The following SPATA1 variants were observed in gnomAD, a reference collection of about 807,000 sequenced individuals.
The protein encoded by SPATA1 is spermatogenesis-associated protein 1.
Under a neutral mutation model 59.6 loss-of-function variants are expected in SPATA1, and 57 were observed. That is an observed-to-expected ratio of 0.96 (90% CI 0.77 to 1.19). SPATA1 has a LOEUF of 1.19. SPATA1 is among the 50% of genes most tolerant of loss of function. The pLI is 0.00. For synonymous variants in SPATA1, 147 were observed against 163.9 expected, an observed-to-expected ratio of 0.90 and a Z score of 0.79; for missense variants, 448 against 480.7, an observed-to-expected ratio of 0.93 and a Z score of 0.64.
chr1:84,554,884 CT>C (rs943518172), downstream of SPATA1: 1,023 of 742,560 alleles, frequency 1.4e-3, no homozygotes, highest in Non-Finnish European at 1.7e-3. Flanking sequence ...TTTATTTATT[CT>C]TTTTTTTTAG....
rs185346561 is a variant in SPATA1, at chr1:84,508,733, T to G, written c.-138+2315T>G. ...AAAGCTGAATCTCTTCAAAGGGGGA[T>G]TTCACAATTCTGACTTCTTTCTCAA... is the stretch of plus-strand genomic sequence containing the variant. On this transcript the variant is annotated intron_variant, in intron 1 of 12. Coordinates refer to ENST00000490879, the Ensembl canonical transcript of SPATA1. Among the ~76,000 whole-genome samples the G allele has an allele frequency of 3.3e-4, 50 of 152,360 alleles. No homozygotes were observed. The East Asian group carries it at 9.0e-3, about 28-fold the overall frequency.
At chr1:84,566,941 T>C (rs562761436), downstream of SPATA1, among the ~76,000 whole-genome samples, 41 of 152,322 alleles carry the variant, frequency 2.7e-4, no homozygotes, top group African/African-American at 9.6e-4. Flanking sequence ...TATCTTTCAT[T>C]TTGAATAGTG....
chr1:84,556,663 G>T (rs1379524426), downstream of SPATA1, among the ~76,000 whole-genome samples: 3 of 134,958 alleles, frequency 2.2e-5, no homozygotes, highest in African/African-American at 8.7e-5. Context: ...AGTAAGCTGA[G>T]ATCACGCCAC....
chr1:84,510,757 TAA>T (rs1171866320), intron 1 of SPATA1, among the ~76,000 whole-genome samples: 2 of 152,180 alleles, frequency 1.3e-5, no homozygotes, highest in Non-Finnish European at 2.9e-5. Context: ...AAAAGCAACC[TAA>T]GTGTCTATCA....
chr1:84,555,838 AACC>A (rs1258625862), downstream of SPATA1: 1 of 152,268 alleles, frequency 6.6e-6, no homozygotes, highest in African/African-American at 2.4e-5. Context: ...GCTGGTATGC[AACC>A]AAAGTTAAGG....
At chr1:84,529,280 G>T (rs1375960896) in intron 6 of SPATA1, among the ~76,000 whole-genome samples, 2 of 151,948 alleles carry the variant, frequency 1.3e-5, no homozygotes, top group South Asian at 2.1e-4. Flanking sequence ...TTGTTGGAAA[G>T]AAATCCAGTT....
intron 1 of SPATA1, among the ~76,000 whole-genome samples, chr1:84,511,304 TA>T (rs1207869762): frequency 6.6e-6 from 1 of 152,198 alleles, no homozygotes; most frequent in Non-Finnish European, 1.5e-5. Context: ...AATTACAAAG[TA>T]AAAGAAACCT....
exon 10 of SPATA1, chr1:84,545,757 A>G: frequency 1.3e-6 from 2 of 1,510,050 alleles, no homozygotes; most frequent in Non-Finnish European, 1.8e-6. Flanking sequence ...AAACGATATC[A>G]TGGTAAAGTT....
At chr1:84,522,796 T>C (rs2101942122) in intron 4 of SPATA1, among the ~76,000 whole-genome samples, 1 of 152,342 alleles carries the variant, frequency 6.6e-6, no homozygotes, top group South Asian at 2.1e-4. Flanking sequence ...AGTTTTTAAG[T>C]GTTTTAAACA....
chr1:84,509,365 G>A (rs576890054), intron 1 of SPATA1, among the ~76,000 whole-genome samples: 56 of 152,324 alleles, frequency 3.7e-4, no homozygotes, highest in African/African-American at 1.0e-3. Flanking sequence ...CTGAATATCC[G>A]TATTAGAAGA....
chr1:84,521,903 TG>T (rs1202013124), intron 3 of SPATA1, among the ~76,000 whole-genome samples: 1 of 152,202 alleles, frequency 6.6e-6, no homozygotes, highest in Admixed American at 6.5e-5. Flanking sequence ...GCGTAAGTGA[TG>T]GCTTTAAATT....
At chr1:84,557,533 C>CAAA (rs56101174), downstream of SPATA1, among the ~76,000 whole-genome samples, 18 of 55,424 alleles carry the variant, frequency 3.2e-4, no homozygotes, top group Non-Finnish European at 4.6e-4. Flanking sequence ...AACTCCATCT[C>CAAA]AAAAAAAAAA....
At chr1:84,549,092 A>C (rs1336518036) in intron 11 of SPATA1, 128 bp downstream of exon 11, 1 of 917,380 alleles carries the variant, frequency 1.1e-6, no homozygotes, top group African/African-American at 1.7e-5. Flanking sequence ...CAATAAAAAA[A>C]CTCATGACCT....
chr1:84,548,322 T>G (rs954631693), intron 10 of SPATA1, among the ~76,000 whole-genome samples: 4 of 151,650 alleles, frequency 2.6e-5, no homozygotes, highest in African/African-American at 9.7e-5. Context: ...AAACTGGTAG[T>G]GTTTAATTTC....
chr1:84,525,634 G>A (rs1683184954), intron 4 of SPATA1, 62 bp from the exon 5 acceptor site: 101 of 1,445,706 alleles, frequency 7.0e-5, no homozygotes, highest in Non-Finnish European at 9.2e-5. Flanking sequence ...AAAAGTAGAG[G>A]TAAAAATAAT....
At chr1:84,525,651 A>C (rs1254899531) in intron 4 of SPATA1, 45 bp from the exon 5 acceptor site, 1 of 1,522,294 alleles carries the variant, frequency 6.6e-7, no homozygotes, top group East Asian at 2.3e-5. Flanking sequence ...TAATTGAAAA[A>C]AATGTAGCAA....
At chr1:84,550,787 C>G in intron 12 of SPATA1, 1 of 1,040,768 alleles carries the variant, frequency 9.6e-7, no homozygotes, top group Non-Finnish European at 1.2e-6. Flanking sequence ...GGAAAAGGAA[C>G]CTGTGAGTCA....
chr1:84,550,991 C>T (rs12131586), intron 12 of SPATA1: 27 of 984,150 alleles, frequency 2.7e-5, no homozygotes, highest in Non-Finnish European at 3.0e-5. Context: ...AGTTTCCTTC[C>T]TGGCAGAGAC....
chr1:84,557,533 CAA>C (rs56101174), downstream of SPATA1, among the ~76,000 whole-genome samples: 71 of 55,422 alleles, frequency 1.3e-3, no homozygotes, highest in South Asian at 0.012. Context: ...AACTCCATCT[CAA>C]AAAAAAAAAA....
Sources: gnomAD v4.1 joint callset for allele counts (sites outside exome capture counted in the v4.1 genomes callset) on GRCh38, gnomAD v4.1.1 for gene constraint, MANE v1.5 for transcripts, NCBI Gene and HGNC (gene_info 2026-07-23, HGNC 2026-07-21) for gene names.